The following AGBL4 variants were observed in gnomAD, a reference collection of about 807,000 sequenced individuals.
The protein encoded by AGBL4 is cytosolic carboxypeptidase 6.
Under a neutral mutation model 66.4 loss-of-function variants are expected in AGBL4, and 58 were observed. The observed-to-expected ratio is 0.87, with a 90% CI of 0.71 to 1.09. The LOEUF (loss-of-function observed/expected upper bound fraction) is 1.09, where lower values mean the gene tolerates loss of function less well. Among genes scored for constraint, AGBL4 ranks in the 50% least tolerant of loss-of-function variants. AGBL4 has a pLI of 0.00. For missense variants in AGBL4, 579 were observed against 631.0 expected (o/e 0.92, Z 0.88); for synonymous variants, 234 against 222.9 (o/e 1.05, Z -0.44).
intron 3 of AGBL4, among the ~76,000 whole-genome samples, chr1:49,548,787 T>C (rs1652717108): frequency 6.6e-6 from 1 of 152,200 alleles, no homozygotes. Flanking sequence ...GATGCTGGCT[T>C]CATAGAATGA....
intron 4 of AGBL4, among the ~76,000 whole-genome samples, chr1:49,185,320 A>T (rs962929321): frequency 6.6e-6 from 1 of 152,220 alleles, no homozygotes; most frequent in Non-Finnish European, 1.5e-5. Context: ...TAAACAGGCC[A>T]GCTACAAGCA....
In AGBL4 at chr1:48,950,460, A is replaced by C. The variant is rs909436301; in HGVS notation, c.595-83230T>G. 7.2e-5 allele frequency among the ~76,000 whole-genome samples: 11 copies of C among 152,346 alleles called. No individual in the cohort carries two copies. In the East Asian group the frequency reaches 2.1e-3, roughly 29 times the overall value. On this transcript the variant is annotated intron_variant, in intron 5 of 13. Coordinates refer to ENST00000371839, the MANE Select transcript of AGBL4 (RefSeq NM_032785.4). ...GAGATTAAGTAACTTGCTCAAGGTC[A>C]TCAGCTAGCCAAATGTAAGTACTTT...
chr1:48,710,866 G>C (rs1244360812), intron 6 of AGBL4, among the ~76,000 whole-genome samples: 1 of 152,038 alleles, frequency 6.6e-6, no homozygotes, highest in East Asian at 1.9e-4. Flanking sequence ...TTGAAAGATG[G>C]CTGGAATTCG....
At chr1:48,699,359 A>C (rs1175755530) in intron 6 of AGBL4, among the ~76,000 whole-genome samples, 1 of 152,190 alleles carries the variant, frequency 6.6e-6, no homozygotes, top group Non-Finnish European at 1.5e-5. Context: ...CATAGTAGGC[A>C]CTCAATTAAT....
At chr1:49,096,643 A>T (rs961475151) in intron 4 of AGBL4, among the ~76,000 whole-genome samples, 1 of 139,356 alleles carries the variant, frequency 7.2e-6, no homozygotes, top group Non-Finnish European at 1.5e-5. Context: ...GAACAATGAG[A>T]ACACATGGAC....
At chr1:49,663,774 CA>C (rs1177515141) in intron 3 of AGBL4, among the ~76,000 whole-genome samples, 7 of 151,368 alleles carry the variant, frequency 4.6e-5, no homozygotes, top group African/African-American at 1.7e-4. Flanking sequence ...TATAAGGAAA[CA>C]AAAAATACAA....
At chr1:49,455,459 C>T (rs1254643549) in intron 3 of AGBL4, among the ~76,000 whole-genome samples, 2 of 151,560 alleles carry the variant, frequency 1.3e-5, no homozygotes, top group African/African-American at 2.4e-5. Flanking sequence ...ATTTTACCAC[C>T]TTAATTCTAG....
At chr1:48,846,230 C>T (rs893056755) in intron 6 of AGBL4, among the ~76,000 whole-genome samples, 3 of 151,918 alleles carry the variant, frequency 2.0e-5, no homozygotes, top group African/African-American at 7.3e-5. Context: ...AAGAAAGGGG[C>T]CTGCTATACC....
chr1:49,995,657 G>C (rs562451857), intron 1 of AGBL4: 1 of 194,000 alleles, frequency 5.2e-6, no homozygotes, highest in South Asian at 9.9e-5. Flanking sequence ...AGCAACCCTA[G>C]GGCAAGCTTG....
At chr1:49,705,754 A>G (rs964096880) in intron 2 of AGBL4, among the ~76,000 whole-genome samples, 2 of 151,796 alleles carry the variant, frequency 1.3e-5, no homozygotes, top group African/African-American at 4.8e-5. Context: ...TTTTACCATG[A>G]AAGGGTGTTG....
intron 4 of AGBL4, among the ~76,000 whole-genome samples, chr1:49,243,416 G>C (rs1373700561): frequency 6.6e-6 from 1 of 151,664 alleles, no homozygotes; most frequent in Non-Finnish European, 1.5e-5. Context: ...ATCAAACCCT[G>C]GGAACATTTA....
intron 6 of AGBL4, among the ~76,000 whole-genome samples, chr1:48,671,090 T>A (rs940189258): frequency 3.9e-5 from 6 of 152,242 alleles, no homozygotes; most frequent in Non-Finnish European, 8.8e-5. Context: ...CAGTCAGGAC[T>A]GAGTGCAAGT....
At chr1:48,715,092 C>T (rs1259352588) in intron 6 of AGBL4, among the ~76,000 whole-genome samples, 1 of 152,132 alleles carries the variant, frequency 6.6e-6, no homozygotes, top group Non-Finnish European at 1.5e-5. Flanking sequence ...ACAAGGACAA[C>T]CTTTCTGAAG....
chr1:48,763,661 T>A (rs981444288), intron 6 of AGBL4, among the ~76,000 whole-genome samples: 1 of 152,186 alleles, frequency 6.6e-6, no homozygotes, highest in African/African-American at 2.4e-5. Flanking sequence ...TGCTATGCCT[T>A]CCTGCGCTGA....
chr1:49,216,368 G>A (rs959646445), intron 4 of AGBL4, among the ~76,000 whole-genome samples: 1 of 151,908 alleles, frequency 6.6e-6, no homozygotes, highest in Admixed American at 6.6e-5. Context: ...CAGATAGCAA[G>A]TTTAGTACCC....
chr1:49,199,423 A>G (rs1237307519), intron 4 of AGBL4, among the ~76,000 whole-genome samples: 1 of 152,164 alleles, frequency 6.6e-6, no homozygotes, highest in Non-Finnish European at 1.5e-5. Context: ...AAGTCTCAGG[A>G]TTACTGAAAG....
chr1:48,692,029 A>AT (rs1481377480), intron 6 of AGBL4, among the ~76,000 whole-genome samples: 1 of 151,924 alleles, frequency 6.6e-6, no homozygotes, highest in African/African-American at 2.4e-5. Flanking sequence ...AATCCACACC[A>AT]TTTTTTTCTC....
chr1:49,238,336 T>C (rs945344506), intron 4 of AGBL4, among the ~76,000 whole-genome samples: 2 of 152,222 alleles, frequency 1.3e-5, no homozygotes, highest in Non-Finnish European at 2.9e-5. Context: ...TAGCATCCCA[T>C]AGGTCCCTGA....
intron 3 of AGBL4, among the ~76,000 whole-genome samples, chr1:49,543,075 A>G (rs1652191473): frequency 6.6e-6 from 1 of 152,078 alleles, no homozygotes. Flanking sequence ...ATTAATTTGA[A>G]TCACTAAATT....
Sources: allele counts gnomAD v4.1 joint callset (sites outside exome capture counted in the v4.1 genomes callset), GRCh38; gene constraint gnomAD v4.1.1; transcripts MANE v1.5; gene names NCBI Gene and HGNC (gene_info 2026-07-23, HGNC 2026-07-21).